ASH1L: variants seen among roughly 807,000 people sequenced by gnomAD.
ASH1L encodes the protein histone-lysine N-methyltransferase ASH1L.
In ASH1L, 23 loss-of-function variants were observed where a neutral mutation model predicts 269.0. That is an observed-to-expected ratio of 0.09 (90% CI 0.06 to 0.12). The LOEUF (loss-of-function observed/expected upper bound fraction) is 0.12, where lower values mean the gene tolerates loss of function less well. Among genes scored for constraint, ASH1L ranks in the 10% least tolerant of loss-of-function variants. ASH1L has a pLI of 1.00. For missense variants in ASH1L, 2,912 were observed against 3,567.8 expected, an observed-to-expected ratio of 0.82 and a Z score of 4.68; for synonymous variants, 1,187 against 1,253.5, an observed-to-expected ratio of 0.95 and a Z score of 1.12.
chr1:155,371,346 A>G (rs780692809), intron 10 of ASH1L, among the ~76,000 whole-genome samples: 32 of 152,114 alleles, frequency 2.1e-4, no homozygotes, highest in Non-Finnish European at 4.6e-4. Context: ...TCAGGAGTTC[A>G]AGACTAGCCT....
intron 6 of ASH1L, 103 bp downstream of exon 6, chr1:155,415,641 C>G (rs749953205): frequency 1.5e-6 from 2 of 1,350,040 alleles, no homozygotes; most frequent in Non-Finnish European, 2.1e-6. Context: ...ACAATCATCA[C>G]GCTTATGAAA....
chr1:155,552,284 G>C (rs1365152165), intron 1 of ASH1L, among the ~76,000 whole-genome samples: 2 of 152,044 alleles, frequency 1.3e-5, no homozygotes, highest in African/African-American at 2.4e-5. Context: ...TGGCCAACAT[G>C]GTGAAACCCC....
chr1:155,352,792 G>A lies in ASH1L; in HGVS notation c.7280C>T (p.Ala2427Val). 1 of 1,614,174 alleles carries A rather than the reference G, an allele frequency of 6.2e-7. No homozygotes were observed. Among genetic ancestry groups the A allele is most frequent in the Non-Finnish European group, 8.5e-7 (1 of 1,180,034 alleles). ...AGCCACTTCAATATTTTCCTCTGCAGCTGCCAACCGTCTTGTTCGAACAGA... is the reference window on the plus strand; with the variant it reads ...AGCCACTTCAATATTTTCCTCTGCAACTGCCAACCGTCTTGTTCGAACAGA... ...ARSVRTRRLAAAEENIEVARA... is the reference protein window; with the variant it reads ...ARSVRTRRLAVAEENIEVARA... The change falls in exon 17 of 28, where the codon GCT (alanine) becomes GTT (valine). Residue 2427 changes from alanine (A) to valine (V), a missense_variant. Physicochemically the swap from Ala to Val is moderately conservative, Grantham distance 64. Around this residue, in one of 13 missense-constraint regions of ASH1L, gnomAD observed 309 missense variants for 435.1 expected, o/e 0.71. Transcript: ENST00000392403.
chr1:155,480,066 A>G lies in ASH1L; in HGVS notation c.2804T>C (p.Phe935Ser). The G allele has an allele frequency of 6.2e-7, 1 of 1,614,080 alleles. No homozygotes were observed. Among genetic ancestry groups the G allele is most frequent in the Non-Finnish European group, 8.5e-7 (1 of 1,180,022 alleles). The change falls in exon 3 of 28, where the codon TTC becomes TCC. Residue 935 changes from phenylalanine (F) to serine (S), a missense_variant. Phe to Ser is a radical substitution (Grantham distance 155). Coordinates refer to ENST00000392403, the MANE Select transcript of ASH1L (RefSeq NM_018489.3). Reference protein sequence around the residue: ...ESDNHRSSSDFFESEDQLQDP... With the variant: ...ESDNHRSSSDSFESEDQLQDP... ...CTGAAGTTGATCCTCGCTCTCAAAG[A>G]AATCACTGCTACTTCTATGGTTGTC... is the stretch of plus-strand genomic sequence containing the variant.
chr1:155,435,981 G>A (rs1017948283), intron 5 of ASH1L, among the ~76,000 whole-genome samples: 10 of 152,174 alleles, frequency 6.6e-5, no homozygotes, highest in Admixed American at 6.5e-5. Flanking sequence ...AAACCACGAG[G>A]TGGAGGGTGC....
chr1:155,546,945 C>CTTT (rs71080709), intron 1 of ASH1L, among the ~76,000 whole-genome samples: 32 of 88,200 alleles, frequency 3.6e-4, no homozygotes, highest in Non-Finnish European at 4.4e-4. Flanking sequence ...TCATCACATT[C>CTTT]TTTTTTTTTT....
At position 155,343,300 on chromosome 1, in the gene ASH1L, C is replaced by T; in HGVS notation, c.8293+14G>A. 6.2e-7 allele frequency: 1 copy of T among 1,606,464 alleles called. No homozygotes were observed. On this transcript the variant is annotated intron_variant, in intron 24 of 27. Transcript: ENST00000392403. This position sits in a 1 kb window ranked among gnomAD's most constrained non-coding sequence, Gnocchi z 6.1. ...TTGGCCGAGGTCATTTTTTAACTAG[C>T]CCAGATCACTTACCTTTACAATACG...
At chr1:155,364,729 C>A (rs899109314) in intron 12 of ASH1L, among the ~76,000 whole-genome samples, 1 of 151,876 alleles carries the variant, frequency 6.6e-6, no homozygotes. Flanking sequence ...TTATTGAGCC[C>A]AGGAGTTCAA....
chr1:155,403,973 T>C (rs1659058900), intron 6 of ASH1L, among the ~76,000 whole-genome samples: 1 of 150,354 alleles, frequency 6.7e-6, no homozygotes. Flanking sequence ...GGAGAATCGC[T>C]TGAACCTGGA....
chr1:155,521,588 G>A lies in ASH1L; in HGVS notation c.-69C>T. On this transcript the variant is annotated 5_prime_UTR_variant, in exon 2 of 28. Coordinates refer to ENST00000392403, the MANE Select transcript of ASH1L (RefSeq NM_018489.3). Reference sequence around the variant, plus strand: ...AGAACTGTGTTCCATAAAAAACAAGGATCTCCAAAACTCGAAACCAGCATC... The same window carrying A: ...AGAACTGTGTTCCATAAAAAACAAGAATCTCCAAAACTCGAAACCAGCATC... The A allele has an allele frequency of 2.1e-6, 3 of 1,454,006 alleles. No individual in the cohort carries two copies. The highest frequency in any genetic ancestry group is 4.6e-5 in the East Asian group (2 of 43,954). The allele number at this position is 1,454,006 out of a possible 1,614,324, so 90.1% of individuals were successfully genotyped here.
chr1:155,345,138 G>A (rs6671191), intron 21 of ASH1L, among the ~76,000 whole-genome samples: 7,442 of 142,856 alleles, frequency 0.052, 641 homozygotes, highest in African/African-American at 0.18. Context: ...TGTATTTTTA[G>A]TAGAGACGGG....
At chr1:155,437,229 T>A (rs190758328) in intron 5 of ASH1L, among the ~76,000 whole-genome samples, 1 of 152,160 alleles carries the variant, frequency 6.6e-6, no homozygotes, top group South Asian at 2.1e-4. Context: ...ATATCCAGAA[T>A]ATATTGAGAA....
At chr1:155,348,188 A>G (rs1408321184) in intron 19 of ASH1L, among the ~76,000 whole-genome samples, 5 of 152,226 alleles carry the variant, frequency 3.3e-5, no homozygotes, top group African/African-American at 1.2e-4. Context: ...AGAGATCATG[A>G]AATATGAATT....
intron 6 of ASH1L, among the ~76,000 whole-genome samples, chr1:155,412,506 C>T (rs904706818): frequency 5.3e-5 from 8 of 152,144 alleles, no homozygotes; most frequent in African/African-American, 1.2e-4. Flanking sequence ...GAGGGTAGTG[C>T]GCCCAAGGAG....
At chr1:155,552,847 C>T (rs1442129133) in intron 1 of ASH1L, among the ~76,000 whole-genome samples, 4 of 152,126 alleles carry the variant, frequency 2.6e-5, no homozygotes, top group Non-Finnish European at 4.4e-5. Context: ...ATCTGCTTTG[C>T]TATATTCTTT....
At chr1:155,433,771 G>T (rs540430754) in intron 5 of ASH1L, 1 of 1,605,254 alleles carries the variant, frequency 6.2e-7, no homozygotes. Context: ...TCAAGAACAT[G>T]TGTAAGCTGC....
chr1:155,341,404 C>T (rs1652799846), intron 25 of ASH1L, among the ~76,000 whole-genome samples: 1 of 152,150 alleles, frequency 6.6e-6, no homozygotes, highest in South Asian at 2.1e-4. Flanking sequence ...TCTTGATCTC[C>T]TGACCTCATG....
chr1:155,523,353 G>C (rs974548364), intron 1 of ASH1L, among the ~76,000 whole-genome samples: 1 of 152,080 alleles, frequency 6.6e-6, no homozygotes, highest in Non-Finnish European at 1.5e-5. Context: ...AATTAGCAGG[G>C]TGTGATGGCA....
chr1:155,473,492 A>ATTTTTT (rs774259211), intron 3 of ASH1L, among the ~76,000 whole-genome samples: 4 of 127,746 alleles, frequency 3.1e-5, no homozygotes, highest in African/African-American at 5.8e-5. Context: ...TAGTATTTCT[A>ATTTTTT]TTTTTTTTTT....
Sources: gnomAD v4.1 joint callset for allele counts (sites outside exome capture counted in the v4.1 genomes callset) on GRCh38, gnomAD v4.1.1 for gene constraint, gnomAD v4.1.1 regional missense constraint, Gnocchi (gnomAD v3.1) non-coding constraint, MANE v1.5 for transcripts, NCBI Gene and HGNC (gene_info 2026-07-23, HGNC 2026-07-21) for gene names.